TRAPPC9: variants seen among roughly 807,000 people sequenced by gnomAD.
The protein encoded by TRAPPC9 is trafficking protein particle complex subunit 9.
Under a neutral mutation model 124.0 loss-of-function variants are expected in TRAPPC9, and 83 were observed. The ratio of observed to expected loss-of-function variants is 0.67; its 90% CI spans 0.56 to 0.80. TRAPPC9 has a LOEUF of 0.80. Ranked by LOEUF, TRAPPC9 falls within the 30% of genes least tolerant of loss-of-function variation. TRAPPC9 has a pLI of 0.00. For missense variants in TRAPPC9, 1,302 were observed against 1,508.3 expected, an observed-to-expected ratio of 0.86 and a Z score of 2.27; for synonymous variants, 638 against 617.5, an observed-to-expected ratio of 1.03 and a Z score of -0.49.
intron 17 of TRAPPC9, among the ~76,000 whole-genome samples, chr8:140,196,622 A>C (rs1019875900): frequency 6.6e-6 from 1 of 151,186 alleles, no homozygotes; most frequent in African/African-American, 2.4e-5. Context: ...TGTGACACTA[A>C]AACACTCAAC....
At chr8:139,983,772 C>A (rs1837065342) in intron 19 of TRAPPC9, among the ~76,000 whole-genome samples, 1 of 152,156 alleles carries the variant, frequency 6.6e-6, no homozygotes, top group Non-Finnish European at 1.5e-5. Context: ...CCCGCCCCGG[C>A]CTCTCTCACA....
chr8:140,208,344 C>G (rs1439136307), intron 17 of TRAPPC9, among the ~76,000 whole-genome samples: 1 of 152,060 alleles, frequency 6.6e-6, no homozygotes, highest in Admixed American at 6.6e-5. Context: ...CAAAAAATGT[C>G]AAAACAAATT....
At chr8:140,180,721 C>G (rs575688062) in intron 17 of TRAPPC9, among the ~76,000 whole-genome samples, 1 of 148,194 alleles carries the variant, frequency 6.7e-6, no homozygotes, top group African/African-American at 2.5e-5. Flanking sequence ...TCAAATTCCA[C>G]TGTCTTCCAG....
intron 21 of TRAPPC9, among the ~76,000 whole-genome samples, chr8:139,768,974 C>T (rs1339963832): frequency 2.6e-5 from 4 of 152,318 alleles, no homozygotes; most frequent in South Asian, 2.1e-4. Flanking sequence ...AGAAGGCAGT[C>T]GTCTACAGGC....
intron 21 of TRAPPC9, among the ~76,000 whole-genome samples, chr8:139,739,218 C>T (rs990431148): frequency 6.6e-6 from 1 of 151,932 alleles, no homozygotes; most frequent in Non-Finnish European, 1.5e-5. Flanking sequence ...AAGCTGGGTC[C>T]TCTCCTCCCG....
chr8:140,114,334 A>AG (rs1554626045), intron 17 of TRAPPC9, among the ~76,000 whole-genome samples: 2 of 139,864 alleles, frequency 1.4e-5, no homozygotes, highest in Non-Finnish European at 3.0e-5. Context: ...GGACTGAAGA[A>AG]AAAAAAAAAA....
At chr8:140,105,594 T>A (rs1336046503) in intron 17 of TRAPPC9, among the ~76,000 whole-genome samples, 94 of 152,328 alleles carry the variant, frequency 6.2e-4, no homozygotes, top group African/African-American at 2.1e-3. Flanking sequence ...CCTGTGGACC[T>A]TTCTGGAATG....
chr8:140,069,854 G>A (rs368329825), intron 17 of TRAPPC9, among the ~76,000 whole-genome samples: 2 of 152,320 alleles, frequency 1.3e-5, no homozygotes, highest in South Asian at 2.1e-4. Flanking sequence ...GCCACAGGCC[G>A]AGAACCCTCG....
intron 18 of TRAPPC9, among the ~76,000 whole-genome samples, chr8:140,000,042 C>G (rs1464400954): frequency 1.3e-5 from 2 of 152,008 alleles, no homozygotes; most frequent in Non-Finnish European, 2.9e-5. Context: ...ATATATAGAC[C>G]AATGGAACAG....
chr8:140,428,253 C>G (rs1010820795), intron 4 of TRAPPC9, among the ~76,000 whole-genome samples: 1 of 152,222 alleles, frequency 6.6e-6, no homozygotes, highest in African/African-American at 2.4e-5. Context: ...TCATCAGCCT[C>G]TAGTGGACTG....
intron 17 of TRAPPC9, among the ~76,000 whole-genome samples, chr8:140,042,053 A>G (rs1841306781): frequency 6.6e-6 from 1 of 152,232 alleles, no homozygotes; most frequent in Non-Finnish European, 1.5e-5. Flanking sequence ...CAGTTTGAAT[A>G]TGGAACGTTT....
chr8:139,963,269 T>C (rs1835461104), intron 19 of TRAPPC9, among the ~76,000 whole-genome samples: 1 of 152,190 alleles, frequency 6.6e-6, no homozygotes, highest in Middle Eastern at 3.2e-3. Flanking sequence ...CACTAAATCA[T>C]GGCTAACAGG....
At chr8:140,187,129 T>A (rs2062370196) in intron 17 of TRAPPC9, among the ~76,000 whole-genome samples, 1 of 152,228 alleles carries the variant, frequency 6.6e-6, no homozygotes, top group Admixed American at 6.5e-5. Flanking sequence ...CTACATAGGT[T>A]TGACCTGTGC....
intron 19 of TRAPPC9, among the ~76,000 whole-genome samples, chr8:139,918,568 C>G (rs1160544402): frequency 6.6e-6 from 1 of 152,194 alleles, no homozygotes; most frequent in African/African-American, 2.4e-5. Flanking sequence ...AGCCGGCTCC[C>G]CTTGCCCTTT....
intron 17 of TRAPPC9, among the ~76,000 whole-genome samples, chr8:140,061,139 G>A (rs944240422): frequency 6.6e-6 from 1 of 152,188 alleles, no homozygotes; most frequent in East Asian, 1.9e-4. Context: ...AAACAGATCT[G>A]TAGGCACTGG....
chr8:139,896,791 G>A (rs1455954389), intron 20 of TRAPPC9, among the ~76,000 whole-genome samples: 1 of 152,196 alleles, frequency 6.6e-6, no homozygotes, highest in Non-Finnish European at 1.5e-5. Context: ...ACCAAGCCTG[G>A]CCAGTGTTTT....
rs538296550 is a variant in TRAPPC9 at position 139,908,338 on chromosome 8, G to A, written c.2964+1809C>T. ...AGGACCGCCTTGCTCTGCATGGGGC[G>A]CCCGGCCAGAGGCTGAATCTCTGAG... On this transcript the variant is annotated intron_variant, in intron 20 of 22. Coordinates refer to ENST00000438773, the MANE Select transcript of TRAPPC9 (RefSeq NM_001160372.4). 1.3e-4 allele frequency among the ~76,000 whole-genome samples: 20 copies of A among 152,284 alleles called. No individual in the cohort carries two copies. In the East Asian group the frequency reaches 2.9e-3, roughly 22 times the overall value.
intron 17 of TRAPPC9, among the ~76,000 whole-genome samples, chr8:140,029,670 C>G (rs1431169519): frequency 6.7e-6 from 1 of 150,160 alleles, no homozygotes; most frequent in African/African-American, 2.4e-5. Flanking sequence ...CCAAAAGAAA[C>G]CCCAAGCTTA....
chr8:140,131,602 G>A (rs1257715487), intron 17 of TRAPPC9, among the ~76,000 whole-genome samples: 1 of 152,116 alleles, frequency 6.6e-6, no homozygotes, highest in African/African-American at 2.4e-5. Flanking sequence ...TCTCCTAGAC[G>A]GCCCCGTCCT....
Sources: gnomAD v4.1 joint callset for allele counts (sites outside exome capture counted in the v4.1 genomes callset) on GRCh38, gnomAD v4.1.1 for gene constraint, MANE v1.5 for transcripts, NCBI Gene and HGNC (gene_info 2026-07-23, HGNC 2026-07-21) for gene names.